Variants in TEX14 observed in about 807,000 individuals in gnomAD.
TEX14 encodes testis expressed 14, intercellular bridge forming factor, also known as inactive serine/threonine-protein kinase TEX14.
A neutral mutation model predicts 178.6 loss-of-function variants in TEX14; 168 were observed. That is an observed-to-expected ratio of 0.94 (90% confidence interval 0.83 to 1.07). The LOEUF (loss-of-function observed/expected upper bound fraction) is 1.07. Among genes scored for constraint, TEX14 ranks in the 50% least tolerant of loss-of-function variants. The pLI, the probability that TEX14 is intolerant of heterozygous loss-of-function variation, is 0.00. For missense variants in TEX14, 1,730 were observed against 1,753.6 expected, an observed-to-expected ratio of 0.99 and a Z score of 0.24; for synonymous variants, 626 against 634.1, an observed-to-expected ratio of 0.99 and a Z score of 0.19.
intron 1 of TEX14, among the ~76,000 whole-genome samples, chr17:58,682,105 T>C (rs1429419438): frequency 6.6e-6 from 1 of 151,830 alleles, no homozygotes; most frequent in Non-Finnish European, 1.5e-5. Flanking sequence ...CACACTACCA[T>C]GTCTGGCTAA....
chr17:58,611,859 C>T (rs1393052642), intron 9 of TEX14, among the ~76,000 whole-genome samples: 2 of 152,156 alleles, frequency 1.3e-5, no homozygotes, highest in African/African-American at 4.8e-5. Flanking sequence ...ATGGGTCTCT[C>T]CCCCAGAGAA....
intron 1 of TEX14, among the ~76,000 whole-genome samples, chr17:58,688,619 T>C (rs559202575): frequency 6.6e-6 from 1 of 152,264 alleles, no homozygotes; most frequent in East Asian, 1.9e-4. Flanking sequence ...CCAGGAGATA[T>C]TATCTTCTAC....
chr17:58,565,947 G>T, intron 26 of TEX14, 123 bp from the exon 27 acceptor site: 1 of 712,170 alleles, frequency 1.4e-6, no homozygotes, highest in Non-Finnish European at 2.4e-6. Context: ...CCGGGAACTC[G>T]TTAGGAATGC....
At chr17:58,625,746 GTTTA>G (rs1327855672) in intron 3 of TEX14, among the ~76,000 whole-genome samples, 1 of 151,990 alleles carries the variant, frequency 6.6e-6, no homozygotes, top group Non-Finnish European at 1.5e-5. Context: ...TCATTTATTT[GTTTA>G]TTTATTTTGA....
chr17:58,660,131 G>A (rs1301819547), intron 1 of TEX14, among the ~76,000 whole-genome samples: 2 of 151,208 alleles, frequency 1.3e-5, no homozygotes, highest in African/African-American at 2.4e-5. Flanking sequence ...TAGGCCAGGC[G>A]CGGTGGCTCA....
At position 58,585,819 on chromosome 17, in the gene TEX14, T is replaced by C. The variant is rs778049992; in HGVS notation, c.3052A>G (p.Arg1018Gly). ...CDSDQHGRQP[R>G]LGSFTSIRHP... ...AACTTACTGGTGAAGCTTCCAAGCC[T>C]GGGCTGTCTGCCATGCTGGTCACTG... The change falls in exon 18 of 32, where the codon AGG becomes GGG. Residue 1018 changes from arginine (R) to glycine (G), a missense_variant. Physicochemically the swap from Arg to Gly is moderately radical, Grantham distance 125. Around this residue, in one of 2 missense-constraint regions of TEX14, gnomAD observed 941 missense variants for 1,072.4 expected, o/e 0.88. Coordinates refer to ENST00000349033, the MANE Select transcript of TEX14 (RefSeq NM_031272.5). The C allele has an allele frequency of 7.4e-6, 12 of 1,614,068 alleles. No individual in the cohort carries two copies. The highest frequency in any genetic ancestry group is 1.0e-5 in the Non-Finnish European group (12 of 1,180,006).
Position 58,565,484 on chromosome 17 carries a change from T to C in TEX14, c.3964+263A>G, listed in dbSNP as rs564282894. Among the ~76,000 whole-genome samples, 32 of 152,324 alleles carry C rather than the reference T, an allele frequency of 2.1e-4. No individual in the cohort carries two copies. In the South Asian group the frequency reaches 6.0e-3, roughly 29 times the overall value. On this transcript the variant is annotated intron_variant, in intron 27 of 31. Coordinates refer to ENST00000349033, the MANE Select transcript of TEX14 (RefSeq NM_031272.5). ...AAGAGGACTAACATTTGCTAAGTAT[T>C]TGAAAATGTTAGTACTTGTACATGG...
intron 1 of TEX14, among the ~76,000 whole-genome samples, 184 bp from the exon 2 acceptor site, chr17:58,652,186 T>G (rs1047289158): frequency 6.6e-6 from 1 of 152,134 alleles, no homozygotes; most frequent in African/African-American, 2.4e-5. Flanking sequence ...ATTAAAGAAC[T>G]TGAATATACT....
chr17:58,651,042 C>T (rs1598419002), intron 2 of TEX14, among the ~76,000 whole-genome samples: 2 of 152,272 alleles, frequency 1.3e-5, no homozygotes, highest in African/African-American at 2.4e-5. Context: ...CTGAGGTGGG[C>T]AGATCACTTG....
intron 15 of TEX14, among the ~76,000 whole-genome samples, chr17:58,589,557 CAA>C (rs71143254): frequency 0.072 from 4,043 of 56,322 alleles, 73 homozygotes; most frequent in Middle Eastern, 0.14. Context: ...GACTCCGTCT[CAA>C]AAAAAAAAAA....
At chr17:58,635,926 A>G (rs567994130) in intron 2 of TEX14, among the ~76,000 whole-genome samples, 1 of 152,054 alleles carries the variant, frequency 6.6e-6, no homozygotes, top group African/African-American at 2.4e-5. Flanking sequence ...TTGTATTTTT[A>G]GTAGAGACAG....
At chr17:58,595,807 A>C (rs1362867838) in intron 14 of TEX14, among the ~76,000 whole-genome samples, 1 of 152,268 alleles carries the variant, frequency 6.6e-6, no homozygotes, top group Admixed American at 6.5e-5. Context: ...GTGAGAAATA[A>C]TAAACTATTG....
intron 15 of TEX14, among the ~76,000 whole-genome samples, chr17:58,590,745 G>A (rs959383418): frequency 2.0e-5 from 3 of 152,084 alleles, no homozygotes; most frequent in Non-Finnish European, 4.4e-5. Flanking sequence ...TGTAGAGATG[G>A]TGTTTTGCCA....
rs150193375 is a variant in TEX14, at chr17:58,688,783, G to A, written c.-2+3156C>T. On this transcript the variant is annotated intron_variant, in intron 1 of 31. Transcript: ENST00000349033. ...TTTTTTCATGAAGTAACCTCAAGTT[G>A]CAAGAAAAACCAAAACATATTCCCG... is the stretch of plus-strand genomic sequence containing the variant. Among the ~76,000 whole-genome samples, 697 of 152,206 alleles carry A rather than the reference G, an allele frequency of 4.6e-3. 13 individuals are homozygous for A. Among genetic ancestry groups the A allele is most frequent in the African/African-American group, 0.016 (658 of 41,560 alleles).
In TEX14 at chr17:58,605,074, A is replaced by G. The variant is rs1567730910; in HGVS notation, c.1240T>C (p.Tyr414His). The G allele has an allele frequency of 1.2e-6, 2 of 1,614,056 alleles. No individual in the cohort carries two copies. The highest frequency in any genetic ancestry group is 1.7e-6 in the Non-Finnish European group (2 of 1,180,026). Reference protein sequence around the residue: ...LTRVPLPTQLYNWAAPEVILQ... With the variant: ...LTRVPLPTQLHNWAAPEVILQ... Reference sequence around the variant, plus strand: ...ATCACTTCTGGTGCGGCCCAGTTGTATAGCTGCGTAGGAAGGGGCACTCGA... The same window carrying G: ...ATCACTTCTGGTGCGGCCCAGTTGTGTAGCTGCGTAGGAAGGGGCACTCGA... The change falls in exon 11 of 32, where the codon TAC becomes CAC. Residue 414 changes from tyrosine to histidine, a missense_variant. Physicochemically the swap from Tyr to His is moderately conservative, Grantham distance 83. Transcript: ENST00000349033.
intron 3 of TEX14, among the ~76,000 whole-genome samples, chr17:58,624,040 T>C (rs2046071599): frequency 2.0e-5 from 3 of 152,080 alleles, no homozygotes; most frequent in African/African-American, 7.2e-5. Flanking sequence ...TCCCAGCACT[T>C]TGGGAGGCCG....
intron 8 of TEX14, among the ~76,000 whole-genome samples, chr17:58,614,561 CA>C (rs1399897251): frequency 6.6e-6 from 1 of 152,244 alleles, no homozygotes; most frequent in Non-Finnish European, 1.5e-5. Context: ...AACTCAGTCT[CA>C]TGTCAAAGTC....
At chr17:58,625,147 T>C (rs941500234) in intron 3 of TEX14, among the ~76,000 whole-genome samples, 2 of 152,210 alleles carry the variant, frequency 1.3e-5, no homozygotes, top group African/African-American at 4.8e-5. Flanking sequence ...TTTTTCTTTT[T>C]TTGAGACGAA....
chr17:58,614,697 C>T (rs921939662), intron 8 of TEX14, among the ~76,000 whole-genome samples: 1 of 152,146 alleles, frequency 6.6e-6, no homozygotes, highest in East Asian at 1.9e-4. Context: ...GGAGAGAGCT[C>T]GATAAGCCTG....
Sources: allele counts gnomAD v4.1 joint callset (sites outside exome capture counted in the v4.1 genomes callset), GRCh38; gene constraint gnomAD v4.1.1; regional missense constraint gnomAD v4.1.1; transcripts MANE v1.5; gene names NCBI Gene and HGNC (gene_info 2026-07-23, HGNC 2026-07-21).